Variants in FAAH2 observed in about 807,000 individuals in gnomAD.
FAAH2 encodes the protein fatty acid amide hydrolase 2.
FAAH2 carries 60 observed loss-of-function variants against 36.9 expected under a neutral mutation model. The observed-to-expected ratio is 1.63, with a 90% CI of 1.32 to 2.02. The LOEUF (loss-of-function observed/expected upper bound fraction) is 2.02. Ranked by LOEUF, FAAH2 falls within the 30% of genes most tolerant of loss-of-function variation. FAAH2 has a pLI of 0.00. For missense variants in FAAH2, 689 were observed against 397.5 expected (o/e 1.73, Z -6.23); for synonymous variants, 214 against 143.8 (o/e 1.49, Z -3.49).
At chrX:57,463,007 C>T (rs79758354) in intron 10 of FAAH2, among the ~76,000 whole-genome samples, 3 of 111,728 alleles carry the variant, frequency 2.7e-5, no homozygotes, top group African/African-American at 9.7e-5. Flanking sequence ...TTCCTATACA[C>T]CAATAATAGA....
chrX:57,340,928 C>T (rs1338972911), intron 4 of FAAH2, among the ~76,000 whole-genome samples: 1 of 110,278 alleles, frequency 9.1e-6, no homozygotes, highest in Non-Finnish European at 1.9e-5. Flanking sequence ...CCTGCACATC[C>T]TGCACATGAA....
the FAAH2 span, among the ~76,000 whole-genome samples, chrX:57,252,463 C>A: frequency 8.9e-6 from 1 of 112,334 alleles, no homozygotes; most frequent in Non-Finnish European, 1.9e-5. Context: ...ACCCGTGTAG[C>A]CTGATTGGTA....
chrX:57,167,149 G>A, the FAAH2 span, among the ~76,000 whole-genome samples: 2 of 111,568 alleles, frequency 1.8e-5, no homozygotes, highest in South Asian at 3.8e-4. Context: ...GCTGTGCTTT[G>A]CAAACGTCTC....
At chrX:57,304,671 C>A (rs1288619333) in intron 2 of FAAH2, among the ~76,000 whole-genome samples, 1 of 111,590 alleles carries the variant, frequency 9.0e-6, no homozygotes, top group African/African-American at 3.3e-5. Flanking sequence ...AAGAGAGTTG[C>A]CTGAAAAATT....
intron 5 of FAAH2, 31 bp from the exon 6 acceptor site, chrX:57,378,620 G>C (rs748141626): frequency 1.7e-6 from 2 of 1,207,152 alleles, no homozygotes; most frequent in South Asian, 1.8e-5. Flanking sequence ...GTCTTATTTT[G>C]GGCGGCTAAC....
intron 2 of FAAH2, among the ~76,000 whole-genome samples, chrX:57,301,032 A>T (rs2052344794): frequency 9.0e-6 from 1 of 110,597 alleles, no homozygotes; most frequent in African/African-American, 3.3e-5. Flanking sequence ...AACTAGTTCA[A>T]CCCTTGTGGA....
intron 8 of FAAH2, among the ~76,000 whole-genome samples, chrX:57,443,137 C>A (rs993377077): frequency 1.8e-5 from 2 of 111,590 alleles, no homozygotes; most frequent in African/African-American, 6.5e-5. Context: ...CTCTGTAGTT[C>A]CTGAATTTGA....
chrX:57,447,146 G>T, intron 9 of FAAH2, 107 bp downstream of exon 9: 1 of 498,810 alleles, frequency 2.0e-6, no homozygotes, highest in Non-Finnish European at 3.2e-6. Flanking sequence ...AAAATCCAGT[G>T]GGGTACTGAA....
the FAAH2 span, among the ~76,000 whole-genome samples, chrX:57,219,961 C>A: frequency 1.0e-5 from 1 of 99,849 alleles, no homozygotes; most frequent in Non-Finnish European, 2.0e-5. Flanking sequence ...TTCAACTTTG[C>A]AATTCTAACT....
the FAAH2 span, among the ~76,000 whole-genome samples, chrX:57,222,409 A>T: frequency 9.0e-6 from 1 of 111,212 alleles, no homozygotes; most frequent in Non-Finnish European, 1.9e-5. Flanking sequence ...AAGTTGCATT[A>T]TGTATTCTAA....
intron 5 of FAAH2, among the ~76,000 whole-genome samples, chrX:57,343,834 C>A (rs2053751867): frequency 9.0e-6 from 1 of 111,464 alleles, no homozygotes; most frequent in African/African-American, 3.3e-5. Flanking sequence ...CTGCATATGG[C>A]TGGCCAGTTA....
At chrX:57,146,359 T>C in the FAAH2 span, among the ~76,000 whole-genome samples, 1 of 111,779 alleles carries the variant, frequency 8.9e-6, no homozygotes, top group Admixed American at 9.5e-5. Flanking sequence ...TTGATTTGAT[T>C]CTCAGCTTGG....
the FAAH2 span, among the ~76,000 whole-genome samples, chrX:57,258,593 A>G: frequency 8.9e-6 from 1 of 111,867 alleles, no homozygotes; most frequent in African/African-American, 3.2e-5. Context: ...CATACAACTT[A>G]AAAACAAAAA....
chrX:57,159,989 C>T, the FAAH2 span, among the ~76,000 whole-genome samples: 2 of 111,627 alleles, frequency 1.8e-5, no homozygotes, highest in Non-Finnish European at 3.8e-5. Flanking sequence ...ATAGATAGCT[C>T]TTATTATTTT....
upstream of FAAH2, chrX:57,286,594 G>T (rs976748754): frequency 3.3e-5 from 10 of 300,430 alleles, no homozygotes; most frequent in Non-Finnish European, 5.8e-5. Flanking sequence ...GGTTACAACA[G>T]CACTAACGAC....
At chrX:57,355,597 A>G (rs755670911) in intron 5 of FAAH2, among the ~76,000 whole-genome samples, 2 of 110,528 alleles carry the variant, frequency 1.8e-5, no homozygotes, top group South Asian at 3.7e-4. Context: ...CAGATTGTTC[A>G]TTATTAGTTC....
the FAAH2 span, among the ~76,000 whole-genome samples, chrX:57,280,257 G>A: frequency 2.7e-5 from 3 of 109,284 alleles, no homozygotes; most frequent in African/African-American, 6.6e-5. Flanking sequence ...ACATTTACAC[G>A]GATATGCTAA....
chrX:57,334,232 T>TCCAGCCTAGGTGACAGAGG (rs2053483615), intron 4 of FAAH2, among the ~76,000 whole-genome samples: 1 of 94,362 alleles, frequency 1.1e-5, no homozygotes, highest in Admixed American at 1.3e-4. Flanking sequence ...ATCATGCCAC[T>TCCAGCCTAGGTGACAGAGG]GCACTCCAGC....
intron 7 of FAAH2, among the ~76,000 whole-genome samples, chrX:57,403,952 T>G (rs1370053793): frequency 8.9e-6 from 1 of 112,904 alleles, no homozygotes; most frequent in African/African-American, 3.2e-5. Context: ...GTAAGCTACC[T>G]TTTTGCTTTT....
Sources: gnomAD v4.1 joint callset for allele counts (sites outside exome capture counted in the v4.1 genomes callset) on GRCh38, gnomAD v4.1.1 for gene constraint, MANE v1.5 for transcripts, NCBI Gene and HGNC (gene_info 2026-07-23, HGNC 2026-07-21) for gene names.